Variants in HIPK3 observed in about 807,000 individuals in gnomAD.
HIPK3 encodes homeodomain-interacting protein kinase 3.
Under a neutral mutation model 124.2 loss-of-function variants are expected in HIPK3, and 47 were observed. The ratio of observed to expected loss-of-function variants is 0.38; its 90% CI spans 0.30 to 0.48. HIPK3 has a LOEUF of 0.48. HIPK3 is among the 20% of genes least tolerant of loss of function. The pLI, the probability that HIPK3 is intolerant of heterozygous loss-of-function variation, is 0.98. For synonymous variants in HIPK3, 482 were observed against 515.2 expected (o/e 0.94, Z 0.87); for missense variants, 1,286 against 1,454.3 (o/e 0.88, Z 1.88).
chr11:33,337,469 C>T (rs1361028848), intron 4 of HIPK3, among the ~76,000 whole-genome samples: 1 of 151,806 alleles, frequency 6.6e-6, no homozygotes, highest in African/African-American at 2.4e-5. Flanking sequence ...AATTCGCCTG[C>T]CTCAGCCTCC....
intron 2 of HIPK3, among the ~76,000 whole-genome samples, chr11:33,314,287 G>A (rs1380440196): frequency 6.6e-6 from 1 of 152,122 alleles, no homozygotes; most frequent in African/African-American, 2.4e-5. Flanking sequence ...TGTCTAAAAT[G>A]GGATAATGTA....
intron 3 of HIPK3, among the ~76,000 whole-genome samples, chr11:33,333,458 A>G (rs1205529903): frequency 1.3e-5 from 2 of 152,168 alleles, no homozygotes; most frequent in South Asian, 4.1e-4. Flanking sequence ...CTTAGTTCAC[A>G]TTTCTGACAT....
intron 2 of HIPK3, among the ~76,000 whole-genome samples, chr11:33,307,947 T>G (rs1852215165): frequency 1.3e-5 from 2 of 152,178 alleles, no homozygotes; most frequent in African/African-American, 4.8e-5. Context: ...TTTTGAAAGA[T>G]TTCCCTTATG....
chr11:33,343,543 G>A (rs943813892), intron 8 of HIPK3, among the ~76,000 whole-genome samples: 1 of 152,144 alleles, frequency 6.6e-6, no homozygotes, highest in African/African-American at 2.4e-5. Flanking sequence ...GCCTCTCATA[G>A]TGCTGGGATT....
chr11:33,332,997 A>G (rs560459232), intron 3 of HIPK3, among the ~76,000 whole-genome samples: 1 of 152,252 alleles, frequency 6.6e-6, no homozygotes, highest in Admixed American at 6.5e-5. Flanking sequence ...ACACACCTTG[A>G]AACAACCAGA....
At chr11:33,281,363 G>A (rs138423408) in intron 1 of HIPK3, among the ~76,000 whole-genome samples, 11 of 152,060 alleles carry the variant, frequency 7.2e-5, no homozygotes, top group Non-Finnish European at 1.6e-4. Flanking sequence ...CCATCATCAG[G>A]CTTCTGTAAA....
intron 15 of HIPK3, 32 bp downstream of exon 15, chr11:33,351,875 C>T (rs1853671811): frequency 1.3e-6 from 2 of 1,526,734 alleles, no homozygotes; most frequent in East Asian, 2.3e-5. Context: ...CTCTGGTTGT[C>T]CTTTAAATAC....
chr11:33,295,461 C>T (rs1851818200), intron 2 of HIPK3, among the ~76,000 whole-genome samples: 1 of 152,212 alleles, frequency 6.6e-6, no homozygotes, highest in Non-Finnish European at 1.5e-5. Flanking sequence ...GGAGGCCTCG[C>T]AATAAAACGT....
chr11:33,313,890 TG>T (rs1188349301), intron 2 of HIPK3, among the ~76,000 whole-genome samples: 1 of 152,174 alleles, frequency 6.6e-6, no homozygotes, highest in African/African-American at 2.4e-5. Context: ...GGGTCCAGGC[TG>T]GAGTGCAGTG....
Position 33,351,637 on chromosome 11 carries a change from G to T in HIPK3, c.2837G>T (p.Cys946Phe), listed in dbSNP as rs763334237. The change falls in exon 15 of 17, where the codon TGT (cysteine) becomes TTT (phenylalanine). Residue 946 changes from cysteine (C) to phenylalanine (F), a missense_variant. By Grantham distance (205) the Cys-to-Phe change is radical (BLOSUM62 -2). This residue lies in a region of HIPK3 where 810 missense variants were observed against 864.9 expected (regional missense o/e 0.94). Coordinates refer to ENST00000303296, the MANE Select transcript of HIPK3 (RefSeq NM_005734.5). The part of the protein sequence containing the change: ...SMSDEEQESS[C>F]DTVDGSPTSD... ...TCAGATGAAGAGCAAGAAAGTAGTT[G>T]TGATACGGTGGATGGCTCTCCGACA... The T allele has an allele frequency of 1.2e-6, 2 of 1,614,166 alleles. No homozygotes were observed. Among genetic ancestry groups the T allele is most frequent in the South Asian group, 1.1e-5 (1 of 91,088 alleles).
intron 6 of HIPK3, among the ~76,000 whole-genome samples, chr11:33,339,747 G>A (rs1853274607): frequency 6.6e-6 from 1 of 152,112 alleles, no homozygotes; most frequent in African/African-American, 2.4e-5. Context: ...TCCAAAATGC[G>A]ATACTAAAAA....
chr11:33,277,774 T>G (rs1360881824), intron 1 of HIPK3, among the ~76,000 whole-genome samples: 3 of 152,216 alleles, frequency 2.0e-5, no homozygotes, highest in African/African-American at 7.2e-5. Context: ...CTTCTTACCC[T>G]TGTATAACAG....
chr11:33,269,850 C>T (rs1851075033), intron 1 of HIPK3, among the ~76,000 whole-genome samples: 1 of 152,042 alleles, frequency 6.6e-6, no homozygotes. Context: ...TTTGAACCTC[C>T]TATTCATTTC....
chr11:33,313,136 T>A (rs1852399146), intron 2 of HIPK3, among the ~76,000 whole-genome samples: 1 of 152,158 alleles, frequency 6.6e-6, no homozygotes, highest in African/African-American at 2.4e-5. Flanking sequence ...CTGCTAAAAA[T>A]TAACTGAATT....
chr11:33,328,728 A>G (rs1288215584), intron 3 of HIPK3, 95 bp downstream of exon 3: 1 of 1,096,414 alleles, frequency 9.1e-7, no homozygotes, highest in East Asian at 2.5e-5. Context: ...AATACACTGG[A>G]AAGTCTTTTT....
chr11:33,347,641 A>G lies in HIPK3; in HGVS notation c.2032A>G (p.Arg678Gly), dbSNP rs1481746937. 3 of 1,613,932 alleles carry G rather than the reference A, an allele frequency of 1.9e-6. No individual in the cohort carries two copies. Among genetic ancestry groups the G allele is most frequent in the African/African-American group, 2.7e-5 (2 of 74,936 alleles). ...TTGCTGCAAGCAGACGTGGTCTGGT[A>G]GAACACAGCAGATGCTGGTGCCTGC... ...PGVLSQTWSG[R>G]TQQMLVPAWQ... The change falls in exon 10 of 17, where the codon AGA (arginine) becomes GGA (glycine). Residue 678 changes from arginine (R) to glycine (G), a missense_variant. This residue lies in a region of HIPK3 where 810 missense variants were observed against 864.9 expected (regional missense o/e 0.94). Transcript: ENST00000303296.
At chr11:33,259,198 T>C (rs2133856731) in intron 1 of HIPK3, among the ~76,000 whole-genome samples, 1 of 152,368 alleles carries the variant, frequency 6.6e-6, no homozygotes, top group African/African-American at 2.4e-5. Context: ...CTGGGCTCTT[T>C]AAAATTTTTA....
chr11:33,325,197 C>T (rs183234747), intron 2 of HIPK3, among the ~76,000 whole-genome samples: 201 of 152,278 alleles, frequency 1.3e-3, no homozygotes, highest in Non-Finnish European at 2.2e-3. Context: ...GAATTTGTTG[C>T]TCTTTGTCTG....
At position 33,276,776 on chromosome 11, in the gene HIPK3, G is replaced by T. The variant is rs544891185; in HGVS notation, c.-2-9637G>T. On this transcript the variant is annotated intron_variant, in intron 1 of 16. Coordinates refer to ENST00000303296, the MANE Select transcript of HIPK3 (RefSeq NM_005734.5). ...GCTGGAGTGCAGTGGCATGATCTTGGCTCACAGCAACCCCTGCCTTCCGGA... is the reference window on the plus strand; with the variant it reads ...GCTGGAGTGCAGTGGCATGATCTTGTCTCACAGCAACCCCTGCCTTCCGGA... Among the ~76,000 whole-genome samples, 10 of 152,086 alleles carry T rather than the reference G, an allele frequency of 6.6e-5. No homozygotes were observed. In the East Asian group the frequency reaches 1.9e-3, roughly 29 times the overall value.
Sources: gnomAD v4.1 joint callset for allele counts (sites outside exome capture counted in the v4.1 genomes callset) on GRCh38, gnomAD v4.1.1 for gene constraint, gnomAD v4.1.1 regional missense constraint, MANE v1.5 for transcripts, NCBI Gene and HGNC (gene_info 2026-07-23, HGNC 2026-07-21) for gene names.